The following MTM1 variants were observed in gnomAD, a reference collection of about 807,000 sequenced individuals.
MTM1 encodes myotubularin 1, also known as myotubularin.
Under a neutral mutation model 52.1 loss-of-function variants are expected in MTM1, and 9 were observed. The observed-to-expected ratio is 0.17, with a 90% CI of 0.10 to 0.30. The LOEUF is 0.30. Among genes scored for constraint, MTM1 ranks in the 10% least tolerant of loss-of-function variants. The probability of loss-of-function intolerance (pLI) is 1.00; values close to 1 mark genes in which losing one functional copy is unlikely to be tolerated. For synonymous variants in MTM1, 136 were observed against 163.8 expected (o/e 0.83, Z 1.29); for missense variants, 277 against 470.7 (o/e 0.59, Z 3.81).
At chrX:150,670,322 A>G (rs1306501729) in intron 14 of MTM1, among the ~76,000 whole-genome samples, 2 of 112,239 alleles carry the variant, frequency 1.8e-5, no homozygotes, top group Non-Finnish European at 3.8e-5. Context: ...CATTGTAGCA[A>G]AACAGATGCT....
chrX:150,589,466 TTTTG>T (rs1365268279), intron 1 of MTM1, among the ~76,000 whole-genome samples: 30 of 111,878 alleles, frequency 2.7e-4, no homozygotes, highest in African/African-American at 7.8e-4. Flanking sequence ...ATCAACATTT[TTTTG>T]TTTGTTTTTT....
Position 150,626,502 on chromosome X carries a change from C to T in MTM1, c.444+7363C>T, listed in dbSNP as rs928231306. Among the ~76,000 whole-genome samples the T allele has an allele frequency of 1.2e-4, 13 of 110,473 alleles. No individual in the cohort carries two copies. In the East Asian group the frequency reaches 2.8e-3, roughly 24 times the overall value. ...CTAATTTTTGTATTTTTAGTAGAGA[C>T]GGGGTTTCACCATGTTAAGATGGTC... On this transcript the variant is annotated intron_variant, in intron 6 of 14. Transcript: ENST00000370396.
chrX:150,664,970 A>G (rs1177308548), intron 14 of MTM1, among the ~76,000 whole-genome samples: 1 of 112,039 alleles, frequency 8.9e-6, no homozygotes, highest in Admixed American at 9.5e-5. Context: ...AAAGGTAATA[A>G]TGATAATTGT....
chrX:150,616,449 A>G (rs943216941), intron 5 of MTM1, among the ~76,000 whole-genome samples: 2 of 111,787 alleles, frequency 1.8e-5, no homozygotes, highest in Non-Finnish European at 1.9e-5. Context: ...CCTGCAGTCA[A>G]TAACCATGAT....
chrX:150,587,897 C>T (rs1397264044), intron 1 of MTM1, among the ~76,000 whole-genome samples: 5 of 111,220 alleles, frequency 4.5e-5, no homozygotes, highest in African/African-American at 1.3e-4. Context: ...TTTTATTTCT[C>T]CTTTATATTG....
intron 6 of MTM1, among the ~76,000 whole-genome samples, chrX:150,633,557 T>C (rs1329166007): frequency 8.9e-6 from 1 of 112,153 alleles, no homozygotes; most frequent in Non-Finnish European, 1.9e-5. Context: ...TTTTCTTACA[T>C]GATCAAGTCT....
chrX:150,562,978 C>T, the MTM1 span, among the ~76,000 whole-genome samples: 2 of 111,343 alleles, frequency 1.8e-5, no homozygotes, highest in Non-Finnish European at 3.8e-5. Flanking sequence ...AAGGGTAATG[C>T]TCTCTCTGTC....
At chrX:150,587,154 C>G (rs1318079551) in intron 1 of MTM1, among the ~76,000 whole-genome samples, 1 of 110,517 alleles carries the variant, frequency 9.0e-6, no homozygotes, top group Non-Finnish European at 1.9e-5. Context: ...CTGTATCACA[C>G]TGTTTTGTAG....
chrX:150,629,868 G>T (rs1639526119), intron 6 of MTM1, among the ~76,000 whole-genome samples: 1 of 110,776 alleles, frequency 9.0e-6, no homozygotes, highest in African/African-American at 3.3e-5. Context: ...GATAGTTTAG[G>T]CCTATACACT....
At chrX:150,573,707 A>G (rs1239024893) in intron 1 of MTM1, among the ~76,000 whole-genome samples, 1 of 111,651 alleles carries the variant, frequency 9.0e-6, no homozygotes, top group African/African-American at 3.3e-5. Flanking sequence ...ATTCCCTTAT[A>G]TGACTTTTAA....
At chrX:150,662,610 C>T (rs1255280920) in intron 13 of MTM1, among the ~76,000 whole-genome samples, 1 of 112,198 alleles carries the variant, frequency 8.9e-6, no homozygotes, top group Non-Finnish European at 1.9e-5. Flanking sequence ...AGGCGTGAGC[C>T]ACCACACCCG....
At chrX:150,576,651 C>A (rs5969959) in intron 1 of MTM1, among the ~76,000 whole-genome samples, 1 of 110,720 alleles carries the variant, frequency 9.0e-6, no homozygotes, top group Admixed American at 9.7e-5. Flanking sequence ...TCTTTCCCCC[C>A]CGTAGATGAT....
At chrX:150,622,191 T>C (rs1375361285) in intron 6 of MTM1, among the ~76,000 whole-genome samples, 5 of 56,587 alleles carry the variant, frequency 8.8e-5, no homozygotes, top group Admixed American at 7.6e-4. Flanking sequence ...AGTAAGAAAC[T>C]GCCAAAAAAA....
intron 1 of MTM1, among the ~76,000 whole-genome samples, chrX:150,583,578 A>G (rs1340954859): frequency 2.8e-4 from 7 of 25,358 alleles, no homozygotes; most frequent in Non-Finnish European, 3.7e-4. Flanking sequence ...TAATTTATAT[A>G]TAATATATAT....
intron 8 of MTM1, among the ~76,000 whole-genome samples, chrX:150,642,309 C>T (rs2039862271): frequency 9.0e-6 from 1 of 111,640 alleles, no homozygotes; most frequent in Admixed American, 9.5e-5. Context: ...GTTCTCAGTG[C>T]ACCACCTTAG....
At chrX:150,600,089 T>A (rs975121609) in intron 4 of MTM1, among the ~76,000 whole-genome samples, 2 of 111,537 alleles carry the variant, frequency 1.8e-5, no homozygotes, top group Non-Finnish European at 3.8e-5. Context: ...AGTTACAGCC[T>A]ATGGATTTCA....
At chrX:150,579,017 C>CTCTATCTG (rs2038526606) in intron 1 of MTM1, among the ~76,000 whole-genome samples, 1 of 98,165 alleles carries the variant, frequency 1.0e-5, no homozygotes, top group Admixed American at 1.1e-4. Flanking sequence ...ATCTATATAT[C>CTCTATCTG]TCTATCTATC....
In MTM1 at chrX:150,583,719, ATT is replaced by A. The variant is rs1446000737; in HGVS notation, c.-10-8885_-10-8884del. On this transcript the variant is annotated intron_variant, in intron 1 of 14. Coordinates refer to ENST00000370396, the MANE Select transcript of MTM1 (RefSeq NM_000252.3). ...ATTTATAAATATATAAATTATATAT[ATT>A]ATATAAATTATATATTATATATAAA... Among the ~76,000 whole-genome samples, 12 of 45,687 alleles carry A rather than the reference ATT, an allele frequency of 2.6e-4. 1 individual carries two copies. Among genetic ancestry groups the A allele is most frequent in the Non-Finnish European group, 4.3e-4 (12 of 28,116 alleles). The allele number at this position is 45,687 out of a possible 115,157, so 39.7% of individuals were successfully genotyped here. A position where few individuals can be genotyped will look rare whatever the true frequency, so the allele number is the denominator to read the frequency against.
At chrX:150,590,120 C>A (rs368915237) in intron 1 of MTM1, among the ~76,000 whole-genome samples, 1 of 111,777 alleles carries the variant, frequency 8.9e-6, no homozygotes, top group Admixed American at 9.5e-5. Flanking sequence ...ATGTAGTCAG[C>A]TGCAACATTT....
Sources: allele counts gnomAD v4.1 joint callset (sites outside exome capture counted in the v4.1 genomes callset), GRCh38; gene constraint gnomAD v4.1.1; transcripts MANE v1.5; gene names NCBI Gene and HGNC (gene_info 2026-07-23, HGNC 2026-07-21).